Variants in PRRC2B observed in about 807,000 individuals in gnomAD.
PRRC2B encodes the protein protein PRRC2B.
A neutral mutation model predicts 242.3 loss-of-function variants in PRRC2B; 68 were observed. The observed-to-expected ratio is 0.28, with a 90% CI of 0.23 to 0.34. The LOEUF is 0.34. PRRC2B is among the 10% of genes least tolerant of loss of function. PRRC2B has a pLI of 1.00. For missense variants in PRRC2B, 2,835 were observed against 2,954.8 expected, an observed-to-expected ratio of 0.96 and a Z score of 0.94; for synonymous variants, 1,228 against 1,173.6, an observed-to-expected ratio of 1.05 and a Z score of -0.95.
At chr9:131,444,600 G>C (rs1220602519) in intron 6 of PRRC2B, among the ~76,000 whole-genome samples, 2 of 152,150 alleles carry the variant, frequency 1.3e-5, no homozygotes, top group East Asian at 3.9e-4. Flanking sequence ...CCTGGTGGCT[G>C]TGGCAAGGAT....
intron 3 of PRRC2B, among the ~76,000 whole-genome samples, chr9:131,433,276 C>T (rs1482519483): frequency 2.0e-5 from 3 of 152,216 alleles, no homozygotes; most frequent in Non-Finnish European, 2.9e-5. Context: ...GAGACTTCTG[C>T]TGTTGCTCTA....
intron 11 of PRRC2B, among the ~76,000 whole-genome samples, chr9:131,459,812 T>G (rs900639083): frequency 6.6e-6 from 1 of 152,062 alleles, no homozygotes; most frequent in Non-Finnish European, 1.5e-5. Context: ...GTGCTGAGAT[T>G]ATAGGCATGA....
chr9:131,482,913 G>A lies in PRRC2B; in HGVS notation c.5373+6G>A. 2 of 1,600,556 alleles carry A rather than the reference G, an allele frequency of 1.2e-6. No homozygotes were observed. The highest frequency in any genetic ancestry group is 1.7e-6 in the Non-Finnish European group (2 of 1,173,326). ...AATTTGGAGTCAGTCCAAAAGTGAGGCTTTGATTTGTTTTCTTGCTTGCTT... is the reference window on the plus strand; with the variant it reads ...AATTTGGAGTCAGTCCAAAAGTGAGACTTTGATTTGTTTTCTTGCTTGCTT... On this transcript the variant is annotated splice_donor_region_variant and intron_variant, in intron 22 of 31. Transcript: ENST00000683519. The surrounding 1 kb of genome is among the most constrained non-coding windows in gnomAD (Gnocchi z 5.2).
At position 131,475,041 on chromosome 9, in the gene PRRC2B, C is replaced by T. The variant is rs781039344; in HGVS notation, c.2912C>T (p.Thr971Ile). The T allele has an allele frequency of 6.2e-7, 1 of 1,607,818 alleles. No homozygotes were observed. Among genetic ancestry groups the T allele is most frequent in the Non-Finnish European group, 8.5e-7 (1 of 1,176,568 alleles). The part of the protein sequence containing the change: ...KIKQELGEES[T>I]RLAKEKEQSP... ...AAGCAGGAGCTAGGGGAGGAGAGTA[C>T]CCGGCTGGCCAAGGAGAAGGAGCAG... The change falls in exon 16 of 32, where the codon ACC becomes ATC. Residue 971 changes from threonine (T) to isoleucine (I), a missense_variant. By Grantham distance (89) the Thr-to-Ile change is moderately conservative (BLOSUM62 -1). This residue lies in a region of PRRC2B where 1,536 missense variants were observed against 1,483.1 expected (regional missense o/e 1.04). Transcript: ENST00000683519.
intron 1 of PRRC2B, among the ~76,000 whole-genome samples, chr9:131,376,998 C>A (rs1392278362): frequency 6.6e-6 from 1 of 152,152 alleles, no homozygotes; most frequent in African/African-American, 2.4e-5. Flanking sequence ...CACAGCAAGA[C>A]CCGGTCCGTT....
chr9:131,390,802 T>G (rs1339792157), upstream of PRRC2B, among the ~76,000 whole-genome samples: 2 of 143,900 alleles, frequency 1.4e-5, no homozygotes, highest in East Asian at 4.1e-4. Flanking sequence ...TTTTTTTTTT[T>G]TTGATACAGA....
intron 1 of PRRC2B, among the ~76,000 whole-genome samples, chr9:131,379,056 G>A (rs1297543211): frequency 6.6e-6 from 1 of 152,094 alleles, no homozygotes; most frequent in African/African-American, 2.4e-5. Flanking sequence ...AAGGCAGGAT[G>A]GACATTTTGT....
intron 31 of PRRC2B, 25 bp from the exon 32 acceptor site, chr9:131,495,715 G>C (rs763049268): frequency 1.3e-6 from 2 of 1,590,622 alleles, no homozygotes; most frequent in Non-Finnish European, 1.7e-6. Context: ...GGGTCACTTT[G>C]TTTTTCCCAT....
chr9:131,416,774 G>C (rs895282842), intron 1 of PRRC2B, among the ~76,000 whole-genome samples: 1 of 152,014 alleles, frequency 6.6e-6, no homozygotes, highest in African/African-American at 2.4e-5. Flanking sequence ...GGGATTTGTC[G>C]GATGCTTTCT....
rs1322220273 is a variant in PRRC2B, at chr9:131,496,137, A to G, written c.*263A>G. 2 of 453,182 alleles carry G rather than the reference A, an allele frequency of 4.4e-6. No individual in the cohort carries two copies. The highest frequency in any genetic ancestry group is 3.9e-5 in the African/African-American group (2 of 51,094). 28.1% of individuals were successfully genotyped at this position (453,182 alleles called of 1,614,324 possible). A position where few individuals can be genotyped will look rare whatever the true frequency, so the allele number is the denominator to read the frequency against. ...CCATCTGCTCCTACCGTGACTGTGG[A>G]GTGACGCCTCCTGTGCAGTGCAGAT... On this transcript the variant is annotated 3_prime_UTR_variant, in exon 32 of 32. Coordinates refer to ENST00000683519, the MANE Select transcript of PRRC2B (RefSeq NM_013318.4).
chr9:131,446,410 G>A lies in PRRC2B; in HGVS notation c.623G>A (p.Ser208Asn), dbSNP rs1245928369. 1 of 1,613,682 alleles carries A rather than the reference G, an allele frequency of 6.2e-7. No individual in the cohort carries two copies. The highest frequency in any genetic ancestry group is 1.1e-5 in the South Asian group (1 of 91,066). ...GPSLRPQNVT[S>N]WREGGGRHII... is the part of the protein sequence containing the mutation. ...CCCTTTCAATTTCCAGATGTGACAA[G>A]CTGGAGGGAGGGCGGTGGGCGACAC... is the stretch of plus-strand genomic sequence containing the variant. Residue 208 changes from serine (S) to asparagine (N), a missense_variant, in exon 7 of 32, where the codon AGC (serine) becomes AAC (asparagine). Physicochemically the swap from Ser to Asn is conservative, Grantham distance 46. This residue lies in a region of PRRC2B where 626 missense variants were observed against 685.5 expected (regional missense o/e 0.91). Transcript: ENST00000683519. This position sits in a 1 kb window ranked among gnomAD's most constrained non-coding sequence, Gnocchi z 4.1.
upstream of PRRC2B, among the ~76,000 whole-genome samples, chr9:131,391,706 G>C (rs145888002): frequency 0.013 from 1,990 of 152,254 alleles, 56 homozygotes; most frequent in African/African-American, 0.046. Context: ...CACATAGTAA[G>C]TGCTCAGTAA....
chr9:131,431,921 T>G (rs1378483091), intron 2 of PRRC2B, among the ~76,000 whole-genome samples: 1 of 151,738 alleles, frequency 6.6e-6, no homozygotes, highest in African/African-American at 2.4e-5. Flanking sequence ...GTTTTAAAAT[T>G]TATTTATTTA....
At chr9:131,441,535 T>A (rs1247476530) in intron 5 of PRRC2B, among the ~76,000 whole-genome samples, 1 of 151,968 alleles carries the variant, frequency 6.6e-6, no homozygotes, top group Non-Finnish European at 1.5e-5. Flanking sequence ...TACACAAAAT[T>A]TAAAAAAACA....
intron 3 of PRRC2B, among the ~76,000 whole-genome samples, chr9:131,433,596 C>G (rs984705781): frequency 6.6e-6 from 1 of 152,204 alleles, no homozygotes; most frequent in African/African-American, 2.4e-5. Flanking sequence ...CTTGCTGAGG[C>G]TGGCAGGCAG....
chr9:131,493,986 T>C (rs538405989), intron 30 of PRRC2B, among the ~76,000 whole-genome samples: 26 of 152,280 alleles, frequency 1.7e-4, no homozygotes, highest in African/African-American at 5.8e-4. Context: ...TTCTGAAAAG[T>C]GAAGACTAGA....
intron 1 of PRRC2B, among the ~76,000 whole-genome samples, chr9:131,421,215 C>T (rs997514584): frequency 6.6e-6 from 1 of 152,160 alleles, no homozygotes; most frequent in East Asian, 1.9e-4. Flanking sequence ...GTGGAGTCTC[C>T]TGTCTCCATG....
chr9:131,459,383 G>C lies in PRRC2B; in HGVS notation c.1404+27G>C, dbSNP rs569659301. 4.2e-4 allele frequency: 673 copies of C among 1,583,806 alleles called. 4 individuals carry two copies. The highest frequency in any genetic ancestry group is 1.1e-4 in the Non-Finnish European group (123 of 1,161,360). On this transcript the variant is annotated intron_variant, in intron 11 of 31. Transcript: ENST00000683519. ...TACCAAGGGCCCTTGGCTGTCCTGT[G>C]TATTTGTACTTCATTGAGTTGGGTG...
intron 1 of PRRC2B, 72 bp from the exon 2 acceptor site, chr9:131,430,022 G>A (rs980326956): frequency 1.3e-5 from 8 of 631,386 alleles, no homozygotes; most frequent in Middle Eastern, 2.7e-4. Flanking sequence ...TGGATCAGAG[G>A]TTCTGCTGTA....
Sources: gnomAD v4.1 joint callset for allele counts (sites outside exome capture counted in the v4.1 genomes callset) on GRCh38, gnomAD v4.1.1 for gene constraint, gnomAD v4.1.1 regional missense constraint, Gnocchi (gnomAD v3.1) non-coding constraint, MANE v1.5 for transcripts, NCBI Gene and HGNC (gene_info 2026-07-23, HGNC 2026-07-21) for gene names.